ANXA4: variants seen among roughly 807,000 people sequenced by gnomAD.
ANXA4 encodes annexin A4, also known as 35-beta calcimedin.
A neutral mutation model predicts 49.8 loss-of-function variants in ANXA4; 39 were observed. The ratio of observed to expected loss-of-function variants is 0.78; its 90% CI spans 0.61 to 1.02. ANXA4 has a LOEUF of 1.02. Among genes scored for constraint, ANXA4 ranks in the 50% least tolerant of loss-of-function variants. ANXA4 has a pLI of 0.00. For synonymous variants in ANXA4, 134 were observed against 152.5 expected (o/e 0.88, Z 0.89); for missense variants, 360 against 410.1 (o/e 0.88, Z 1.05).
At chr2:69,663,330 T>G (rs1676803789) in intron 2 of ANXA4, among the ~76,000 whole-genome samples, 1 of 122,618 alleles carries the variant, frequency 8.2e-6, no homozygotes, top group African/African-American at 3.1e-5. Flanking sequence ...TTTTTTTTGC[T>G]AAATATAGCA....
At position 69,818,660 on chromosome 2, in the gene ANXA4, A is replaced by G. The variant is rs1674104033; in HGVS notation, c.690A>G (p.Thr230=). The change falls in exon 10 of 13, where the codon ACA becomes ACG. Residue 230 remains threonine (T), a synonymous_variant. Coordinates refer to ENST00000394295, the MANE Select transcript of ANXA4 (RefSeq NM_001153.5). ...KDIEQSIKSE[T]SGSFEDALLA... ...TTGAACAGAGTATTAAATCTGAAAC[A>G]TCTGGTAGCTTTGAAGATGCTCTGC... is the stretch of plus-strand genomic sequence containing the variant. 6.2e-7 allele frequency: 1 copy of G among 1,610,496 alleles called. No homozygotes were observed. The highest frequency in any genetic ancestry group is 1.3e-5 in the African/African-American group (1 of 74,916).
chr2:69,655,733 G>A (rs1676413279), intron 2 of ANXA4, among the ~76,000 whole-genome samples: 1 of 152,028 alleles, frequency 6.6e-6, no homozygotes, highest in Non-Finnish European at 1.5e-5. Context: ...GCACACATAT[G>A]TTTATTGCGG....
At chr2:69,709,615 A>G (rs78657173) in intron 2 of ANXA4, among the ~76,000 whole-genome samples, 8,735 of 152,280 alleles carry the variant, frequency 0.057, 864 homozygotes, top group African/African-American at 0.2. Flanking sequence ...ACGGGAAGCC[A>G]CATCCCAGAA....
rs534811063 is a variant in ANXA4 at position 69,781,618 on chromosome 2, A to G, written c.9+44A>G. The G allele has an allele frequency of 3.8e-5, 62 of 1,611,926 alleles. 1 individual carries two copies. The highest frequency in any genetic ancestry group is 3.1e-4 in the African/African-American group (23 of 75,014). ...CAACCCTATCTGGTGCCAGCTGCCA[A>G]CAGGTACAGAATGTGGGCTCAGCAA... On this transcript the variant is annotated intron_variant, in intron 2 of 12. Coordinates refer to ENST00000394295, the MANE Select transcript of ANXA4 (RefSeq NM_001153.5).
intron 12 of ANXA4, among the ~76,000 whole-genome samples, chr2:69,825,091 C>A (rs56050345): frequency 0.38 from 39,757 of 104,076 alleles, 8,375 homozygotes; most frequent in East Asian, 0.47. Flanking sequence ...AAAAAAAAAA[C>A]CACAAACAAA....
At chr2:69,747,678 C>T (rs1670666836) in intron 1 of ANXA4, among the ~76,000 whole-genome samples, 2 of 152,270 alleles carry the variant, frequency 1.3e-5, no homozygotes, top group South Asian at 4.1e-4. Context: ...CAAAACTACA[C>T]AAAATTGTTA....
Position 69,793,200 on chromosome 2 carries a change from C to CG in ANXA4, c.97+5059_97+5060insG, listed in dbSNP as rs1672773624. ...CAGGGAGTCAGAGGTTGCAGTGGGC[C>CG]AAGATCGCACTACTGCACTCCAGTC... On this transcript the variant is annotated intron_variant, in intron 3 of 12. Transcript: ENST00000394295. 1.2e-4 allele frequency among the ~76,000 whole-genome samples: 18 copies of CG among 149,258 alleles called. No homozygotes were observed. In the South Asian group the frequency reaches 2.7e-3, roughly 23 times the overall value.
At chr2:69,708,577 G>T (rs908308364) in intron 2 of ANXA4, among the ~76,000 whole-genome samples, 2 of 151,898 alleles carry the variant, frequency 1.3e-5, no homozygotes, top group African/African-American at 4.8e-5. Context: ...GGGTCTCTTG[G>T]TTTTTTTTAT....
chr2:69,763,777 C>G (rs1671391277), intron 1 of ANXA4, among the ~76,000 whole-genome samples: 1 of 151,454 alleles, frequency 6.6e-6, no homozygotes, highest in Admixed American at 6.6e-5. Flanking sequence ...ATTCTCCTGT[C>G]TCAGCCTCCT....
chr2:69,810,426 A>G, intron 6 of ANXA4, 168 bp from the exon 7 acceptor site: 1 of 610,538 alleles, frequency 1.6e-6, no homozygotes. Flanking sequence ...GATCTTGACC[A>G]TTTTACCAGA....
intron 2 of ANXA4, among the ~76,000 whole-genome samples, chr2:69,693,891 C>G (rs909494665): frequency 1.4e-4 from 22 of 152,066 alleles, no homozygotes; most frequent in African/African-American, 5.3e-4. Context: ...CTTCTGAATG[C>G]AGACCTCTGG....
chr2:69,798,618 G>A (rs1349044585), intron 3 of ANXA4, among the ~76,000 whole-genome samples: 1 of 152,198 alleles, frequency 6.6e-6, no homozygotes, highest in Non-Finnish European at 1.5e-5. Flanking sequence ...CACCCTGAGG[G>A]CAGGTCCTCC....
chr2:69,799,380 T>C (rs192668207), intron 3 of ANXA4, among the ~76,000 whole-genome samples: 307 of 152,320 alleles, frequency 2.0e-3, no homozygotes, highest in Admixed American at 3.6e-3. Context: ...AGTTTGGCAA[T>C]TACCCAGGAG....
intron 3 of ANXA4, among the ~76,000 whole-genome samples, chr2:69,736,187 A>G (rs77320131): frequency 2.3e-4 from 35 of 152,298 alleles, no homozygotes; most frequent in Middle Eastern, 6.8e-3. Flanking sequence ...CCTGGGTTCA[A>G]GGGGAAAGGA....
At chr2:69,825,307 A>ATTTTC in intron 12 of ANXA4, 149 bp from the exon 13 acceptor site, 1 of 652,498 alleles carries the variant, frequency 1.5e-6, no homozygotes, top group Non-Finnish European at 2.7e-6. Context: ...TCTACACTGA[A>ATTTTC]TAAGTATTAC....
intron 7 of ANXA4, 55 bp downstream of exon 7, chr2:69,810,728 C>T: frequency 3.6e-6 from 5 of 1,394,424 alleles, no homozygotes; most frequent in Non-Finnish European, 5.1e-6. Context: ...CACTCTATCC[C>T]CTTTGCCAGC....
At chr2:69,682,110 C>G (rs1677619482) in intron 2 of ANXA4, among the ~76,000 whole-genome samples, 1 of 152,160 alleles carries the variant, frequency 6.6e-6, no homozygotes, top group Admixed American at 6.5e-5. Context: ...ATTCAGCCTC[C>G]CAAAGTGCTG....
intron 2 of ANXA4, among the ~76,000 whole-genome samples, chr2:69,665,787 C>T (rs1676909990): frequency 6.6e-6 from 1 of 152,052 alleles, no homozygotes; most frequent in Non-Finnish European, 1.5e-5. Flanking sequence ...CTTAAGAAAA[C>T]AAAAAGACAA....
At chr2:69,760,233 A>G (rs1671224779) in intron 1 of ANXA4, among the ~76,000 whole-genome samples, 1 of 152,218 alleles carries the variant, frequency 6.6e-6, no homozygotes, top group African/African-American at 2.4e-5. Context: ...CATTTTTATG[A>G]AAAAACAATT....
Sources: allele counts gnomAD v4.1 joint callset (sites outside exome capture counted in the v4.1 genomes callset), GRCh38; gene constraint gnomAD v4.1.1; transcripts MANE v1.5; gene names NCBI Gene and HGNC (gene_info 2026-07-23, HGNC 2026-07-21).